Variants in DLG5 observed in about 807,000 individuals in gnomAD.
DLG5 encodes disks large homolog 5.
Under a neutral mutation model 189.8 loss-of-function variants are expected in DLG5, and 48 were observed. The ratio of observed to expected loss-of-function variants is 0.25; its 90% confidence interval spans 0.20 to 0.32. The LOEUF (loss-of-function observed/expected upper bound fraction) is 0.32, where lower values mean the gene tolerates loss of function less well. DLG5 is among the 10% of genes least tolerant of loss of function. The pLI, the probability that DLG5 is intolerant of heterozygous loss-of-function variation, is 1.00. For missense variants in DLG5, 2,160 were observed against 2,544.7 expected, an observed-to-expected ratio of 0.85 and a Z score of 3.25; for synonymous variants, 1,016 against 1,054.1, an observed-to-expected ratio of 0.96 and a Z score of 0.70.
At chr10:77,846,418 G>A (rs1470618788) in intron 5 of DLG5, among the ~76,000 whole-genome samples, 1 of 152,102 alleles carries the variant, frequency 6.6e-6, no homozygotes, top group Non-Finnish European at 1.5e-5. Context: ...ATTACTTCAG[G>A]CCGGGCGCAG....
rs1428463815 is a variant in DLG5, at chr10:77,805,810, G to T, written c.5019C>A (p.Asp1673Glu). The stretch of plus-strand genomic sequence containing the variant: ...CTGACAGCGTCTTTGTGGCGCTATT[G>T]TCATCTTTGACTTCAGACATGCTGA... ...RRLSMSEVKD[D>E]NSATKTLSAA... Residue 1673 changes from aspartate (D) to glutamate (E), a missense_variant, in exon 27 of 32, where the codon GAC (aspartate) becomes GAA (glutamate). Physicochemically the swap from Asp to Glu is conservative, Grantham distance 45. Coordinates refer to ENST00000372391, the MANE Select transcript of DLG5 (RefSeq NM_004747.4). 4 of 1,614,164 alleles carry T rather than the reference G, an allele frequency of 2.5e-6. No homozygotes were observed. The highest frequency in any genetic ancestry group is 3.4e-6 in the Non-Finnish European group (4 of 1,180,022).
chr10:77,843,386 G>C (rs533165311), intron 6 of DLG5, 61 bp downstream of exon 6: 2 of 1,570,276 alleles, frequency 1.3e-6, no homozygotes, highest in Admixed American at 1.7e-5. Context: ...TCATCCCCTG[G>C]TGGTGGCTGG....
chr10:77,886,785 T>C (rs142169755), intron 1 of DLG5, among the ~76,000 whole-genome samples: 157 of 152,268 alleles, frequency 1.0e-3, no homozygotes, highest in African/African-American at 3.6e-3. Flanking sequence ...ATAAAGTTAA[T>C]ATGAGGCCAT....
At chr10:77,935,108 G>C in the DLG5 span, among the ~76,000 whole-genome samples, 1 of 151,930 alleles carries the variant, frequency 6.6e-6, no homozygotes, top group African/African-American at 2.4e-5. Flanking sequence ...CGCCCGCCTC[G>C]GCGTCCCAAA....
At chr10:77,888,088 G>A (rs1057430478) in intron 1 of DLG5, among the ~76,000 whole-genome samples, 6 of 152,144 alleles carry the variant, frequency 3.9e-5, no homozygotes, top group Admixed American at 2.0e-4. Flanking sequence ...CGTTTTCCTC[G>A]GGGGCAAACA....
rs1265111459 is a variant in DLG5 at position 77,843,422 on chromosome 10, C to G, written c.1124+25G>C. ...GAACCTTATAGGACCCATTTGCCCC[C>G]GGCCCCCGATGGCCCTAGCCCTACC... On this transcript the variant is annotated intron_variant, in intron 6 of 31. Transcript: ENST00000372391. 1.9e-6 allele frequency: 3 copies of G among 1,608,804 alleles called. No individual in the cohort carries two copies. In the Admixed American group the frequency reaches 5.0e-5, roughly 27 times the overall value.
chr10:77,807,936 G>A lies in DLG5; in HGVS notation c.4656C>T (p.Ser1552=), dbSNP rs754308138. ...VPGDLILEYG[S]LDVRNKTVEE... ...CCACTGTCTTGTTCCGCACGTCCAGGCTGCCATACTGCCAGGGATGGGGGT... is the reference window on the plus strand; with the variant it reads ...CCACTGTCTTGTTCCGCACGTCCAGACTGCCATACTGCCAGGGATGGGGGT... Residue 1552 remains serine (S), a synonymous_variant, in exon 25 of 32, where the codon AGC becomes AGT. Transcript: ENST00000372391. 3.1e-6 allele frequency: 5 copies of A among 1,614,040 alleles called. No homozygotes were observed. The East Asian group carries it at 8.9e-5, about 29-fold the overall frequency.
In DLG5 at chr10:77,821,627, T is replaced by C. The variant is rs1244699327; in HGVS notation, c.2857A>G (p.Ser953Gly). Residue 953 changes from serine (S) to glycine (G), a missense_variant, in exon 15 of 32, where the codon AGC becomes GGC. This residue lies in a region of DLG5 where 754 missense variants were observed against 746.5 expected (regional missense o/e 1.01). Coordinates refer to ENST00000372391, the MANE Select transcript of DLG5 (RefSeq NM_004747.4). ...AGCTTCTCAGGCACTGCCGTGGAGCTGAGCATGGCCTTGGGCCAGGTCCCG... is the reference window on the plus strand; with the variant it reads ...AGCTTCTCAGGCACTGCCGTGGAGCCGAGCATGGCCTTGGGCCAGGTCCCG... ...SGGTWPKAMLSSTAVPEKLSV... is the reference protein window; with the variant it reads ...SGGTWPKAMLGSTAVPEKLSV... 2 of 1,612,964 alleles carry C rather than the reference T, an allele frequency of 1.2e-6. No individual in the cohort carries two copies. The highest frequency in any genetic ancestry group is 1.3e-5 in the African/African-American group (1 of 74,930).
chr10:77,816,790 C>G (rs147493513), intron 19 of DLG5, 89 bp from the exon 20 acceptor site: 14 of 1,512,836 alleles, frequency 9.3e-6, no homozygotes, highest in Non-Finnish European at 1.1e-5. Context: ...TCCAGACACA[C>G]AGCTCTATCC....
At chr10:77,891,183 AG>A (rs1845595743) in intron 1 of DLG5, among the ~76,000 whole-genome samples, 1 of 152,078 alleles carries the variant, frequency 6.6e-6, no homozygotes, top group Non-Finnish European at 1.5e-5. Context: ...GATGTCTACT[AG>A]GCCTGGCTTC....
chr10:77,871,536 C>CTATT (rs1844898507), intron 1 of DLG5, among the ~76,000 whole-genome samples: 1 of 83,886 alleles, frequency 1.2e-5, no homozygotes, highest in Non-Finnish European at 2.1e-5. Flanking sequence ...AAGCATCACA[C>CTATT]TTTTTTTTTT....
At chr10:77,888,419 T>C (rs1845507585) in intron 1 of DLG5, among the ~76,000 whole-genome samples, 1 of 152,050 alleles carries the variant, frequency 6.6e-6, no homozygotes, top group African/African-American at 2.4e-5. Context: ...GAGAGGAAAA[T>C]GGTAGCAAAG....
At chr10:77,842,294 C>T (rs1843462029) in intron 6 of DLG5, 101 bp from the exon 7 acceptor site, 1 of 1,404,238 alleles carries the variant, frequency 7.1e-7, no homozygotes, top group Non-Finnish European at 9.6e-7. Flanking sequence ...GCTGGACAGT[C>T]AAGCGTGAAG....
intron 1 of DLG5, among the ~76,000 whole-genome samples, chr10:77,913,846 C>G (rs1846290527): frequency 6.6e-6 from 1 of 152,156 alleles, no homozygotes; most frequent in East Asian, 1.9e-4. Context: ...GTCTCGACCT[C>G]CTAAAGCGCT....
intron 29 of DLG5, 108 bp from the exon 30 acceptor site, chr10:77,795,066 C>T (rs1840842204): frequency 1.2e-6 from 1 of 800,352 alleles, no homozygotes; most frequent in Admixed American, 2.4e-5. Context: ...TACCCACAAA[C>T]AAGGCAGTAA....
Position 77,794,831 on chromosome 10 carries a change from A to AG in DLG5, c.5546+17dup. The AG allele has an allele frequency of 6.2e-7, 1 of 1,602,356 alleles. No individual in the cohort carries two copies. On this transcript the variant is annotated intron_variant, in intron 30 of 31. Transcript: ENST00000372391. ...CTGTGACAAGGCCCCAGCGGAGCCC[A>AG]GGGGGCCAGTTACCTACTTGATGTG...
chr10:77,898,508 C>T (rs1289446282), intron 1 of DLG5, among the ~76,000 whole-genome samples: 1 of 152,240 alleles, frequency 6.6e-6, no homozygotes, highest in Non-Finnish European at 1.5e-5. Context: ...GGAGATGCTG[C>T]ATGGCGCAGG....
At chr10:77,833,466 G>A (rs1842972547) in intron 9 of DLG5, among the ~76,000 whole-genome samples, 1 of 152,234 alleles carries the variant, frequency 6.6e-6, no homozygotes, top group South Asian at 2.1e-4. Flanking sequence ...AAGGGACTTG[G>A]TATGCTTGTC....
rs777191967 is a variant in DLG5, at chr10:77,824,498, G to A, written c.2290-22C>T. 12 of 1,600,982 alleles carry A rather than the reference G, an allele frequency of 7.5e-6. No homozygotes were observed. The South Asian group carries it at 1.2e-4, about 16-fold the overall frequency. On this transcript the variant is annotated intron_variant, in intron 13 of 31. Transcript: ENST00000372391. ...TGATCTAGAGCAGGACAGAGAGCAT[G>A]TCAGGCCACAGGCAGAGCGGCCTCA...
Sources: gnomAD v4.1 joint callset for allele counts (sites outside exome capture counted in the v4.1 genomes callset) on GRCh38, gnomAD v4.1.1 for gene constraint, gnomAD v4.1.1 regional missense constraint, MANE v1.5 for transcripts, NCBI Gene and HGNC (gene_info 2026-07-23, HGNC 2026-07-21) for gene names.